Variants in TSHR observed in about 807,000 individuals in gnomAD.
TSHR encodes thyrotropin receptor.
In TSHR, 51 loss-of-function variants were observed where a neutral mutation model predicts 64.1. The ratio of observed to expected loss-of-function variants is 0.80; its 90% CI spans 0.64 to 1.01. TSHR has a LOEUF of 1.01. TSHR is among the 50% of genes least tolerant of loss of function. TSHR has a pLI of 0.00. For synonymous variants in TSHR, 361 were observed against 361.9 expected (o/e 1.00, Z 0.03); for missense variants, 877 against 942.8 (o/e 0.93, Z 0.91).
chr14:81,128,553 A>G (rs766407514), intron 8 of TSHR, among the ~76,000 whole-genome samples: 14 of 152,180 alleles, frequency 9.2e-5, no homozygotes, highest in South Asian at 4.1e-4. Flanking sequence ...TTAAAGAGAC[A>G]AAGTCCTCAC....
chr14:80,981,623 A>G (rs911481827), intron 1 of TSHR, among the ~76,000 whole-genome samples: 3 of 152,070 alleles, frequency 2.0e-5, no homozygotes, highest in Non-Finnish European at 2.9e-5. Flanking sequence ...TCCTGTAGAG[A>G]TCTGTAGGTA....
At chr14:80,971,492 G>A (rs1396914694) in intron 1 of TSHR, among the ~76,000 whole-genome samples, 1 of 152,198 alleles carries the variant, frequency 6.6e-6, no homozygotes, top group Non-Finnish European at 1.5e-5. Flanking sequence ...AAGTGCTACA[G>A]GCTGTGCTGA....
At chr14:80,988,723 T>C (rs1888592883) in intron 1 of TSHR, among the ~76,000 whole-genome samples, 1 of 152,212 alleles carries the variant, frequency 6.6e-6, no homozygotes, top group African/African-American at 2.4e-5. Flanking sequence ...TCTGATTTAA[T>C]TCACCCCTCT....
At chr14:81,016,034 A>C (rs1189528668) in intron 1 of TSHR, among the ~76,000 whole-genome samples, 1 of 151,714 alleles carries the variant, frequency 6.6e-6, no homozygotes. Context: ...GTAGATGGAC[A>C]CTTTGGCTGA....
chr14:81,143,193 C>A lies in TSHR; in HGVS notation c.1135C>A (p.Gln379Lys), dbSNP rs554624385. 18 of 1,614,158 alleles carry A rather than the reference C, an allele frequency of 1.1e-5. 1 individual carries two copies. The South Asian group carries it at 1.8e-4, about 16-fold the overall frequency. Residue 379 changes from glutamine to lysine, a missense_variant, in exon 10 of 10, where the codon CAA becomes AAA. Transcript: ENST00000298171. ...ELKNPQEETL[Q>K]AFDSHYDYTI... ...CAAAAACCCCCAGGAAGAGACTCTA[C>A]AAGCTTTTGACAGCCATTATGACTA...
intron 1 of TSHR, among the ~76,000 whole-genome samples, chr14:81,004,287 G>T (rs1889484257): frequency 6.6e-6 from 1 of 152,156 alleles, no homozygotes; most frequent in Non-Finnish European, 1.5e-5. Context: ...ATCTGCCAAA[G>T]AAAATGCTCC....
At chr14:80,994,341 T>G (rs1419970089) in intron 1 of TSHR, 5 of 151,994 alleles carry the variant, frequency 3.3e-5, no homozygotes, top group Non-Finnish European at 5.9e-5. Flanking sequence ...TTAAACTACC[T>G]TTGACATTCT....
At chr14:80,991,855 T>C (rs1014189929) in intron 1 of TSHR, 14 of 338,244 alleles carry the variant, frequency 4.1e-5, no homozygotes, top group African/African-American at 2.7e-4. Context: ...GATTCGGTCA[T>C]ACATATCTGA....
At chr14:81,077,506 C>T (rs1163080044) in intron 3 of TSHR, among the ~76,000 whole-genome samples, 1 of 152,136 alleles carries the variant, frequency 6.6e-6, no homozygotes, top group Non-Finnish European at 1.5e-5. Flanking sequence ...CTCATTTAAT[C>T]CTCACGACAA....
At chr14:80,961,230 T>A (rs937751750) in intron 1 of TSHR, among the ~76,000 whole-genome samples, 1 of 152,222 alleles carries the variant, frequency 6.6e-6, no homozygotes, top group African/African-American at 2.4e-5. Flanking sequence ...AGACACTGTG[T>A]CACACTCTGG....
At chr14:81,108,563 C>T (rs2140032072) in intron 8 of TSHR, 111 bp downstream of exon 8, 1 of 1,610,738 alleles carries the variant, frequency 6.2e-7, no homozygotes, top group Non-Finnish European at 8.5e-7. Context: ...GAAAATGTTG[C>T]TGTCTCGGGT....
intron 1 of TSHR, among the ~76,000 whole-genome samples, chr14:80,967,348 T>G (rs953112972): frequency 2.7e-5 from 4 of 148,008 alleles, no homozygotes; most frequent in Admixed American, 1.4e-4. Context: ...TGCAGTGGTG[T>G]GATCTCGACT....
chr14:81,105,864 A>G (rs1889857099), intron 7 of TSHR, among the ~76,000 whole-genome samples: 1 of 152,212 alleles, frequency 6.6e-6, no homozygotes, highest in Non-Finnish European at 1.5e-5. Flanking sequence ...TTGTCCAGAG[A>G]ATACAAAAAG....
At chr14:81,088,104 T>A in intron 4 of TSHR, 76 bp downstream of exon 4, 1 of 1,174,220 alleles carries the variant, frequency 8.5e-7, no homozygotes, top group Non-Finnish European at 1.3e-6. Context: ...CTCCCAGGAA[T>A]CTCCCTAGAT....
intron 1 of TSHR, chr14:81,014,034 A>C (rs774224349): frequency 6.6e-6 from 1 of 152,254 alleles, no homozygotes; most frequent in South Asian, 2.1e-4. Context: ...TATAAAATTC[A>C]TCATAATTTG....
chr14:80,978,467 G>A (rs182996143), intron 1 of TSHR, among the ~76,000 whole-genome samples: 1 of 152,328 alleles, frequency 6.6e-6, no homozygotes, highest in Non-Finnish European at 1.5e-5. Flanking sequence ...GATAAAGGGG[G>A]AGAGCCCCAG....
At chr14:80,976,319 C>T (rs1331400566) in intron 1 of TSHR, among the ~76,000 whole-genome samples, 2 of 152,220 alleles carry the variant, frequency 1.3e-5, no homozygotes, top group African/African-American at 4.8e-5. Flanking sequence ...GTGGGCCTGT[C>T]TTCCTGAGGA....
At chr14:81,114,117 A>C (rs964526925) in intron 8 of TSHR, among the ~76,000 whole-genome samples, 1 of 132,132 alleles carries the variant, frequency 7.6e-6, no homozygotes, top group South Asian at 2.5e-4. Flanking sequence ...GGAAGCTGAC[A>C]GGCCCAAGGA....
chr14:81,126,777 G>C lies in TSHR; in HGVS notation c.693-12902G>C, dbSNP rs572424054. Among the ~76,000 whole-genome samples the C allele has an allele frequency of 2.6e-5, 4 of 152,286 alleles. No individual in the cohort carries two copies. The East Asian group carries it at 7.7e-4, about 29-fold the overall frequency. On this transcript the variant is annotated intron_variant, in intron 8 of 9. Transcript: ENST00000298171. ...GTAGGACGATAATTACTTCTTCACT[G>C]TTCCTTCTTTGCAATTTTATGTATA...
Sources: gnomAD v4.1 joint callset for allele counts (sites outside exome capture counted in the v4.1 genomes callset) on GRCh38, gnomAD v4.1.1 for gene constraint, MANE v1.5 for transcripts, NCBI Gene and HGNC (gene_info 2026-07-23, HGNC 2026-07-21) for gene names.